NALF1: variants seen among roughly 807,000 people sequenced by gnomAD.
The protein encoded by NALF1 is NALCN channel auxiliary factor 1.
NALF1 carries 3 observed loss-of-function variants against 48.4 expected under a neutral mutation model. The ratio of observed to expected loss-of-function variants is 0.06; its 90% CI spans 0.03 to 0.16. The LOEUF (loss-of-function observed/expected upper bound fraction) is 0.16, where lower values mean the gene tolerates loss of function less well. Ranked by LOEUF, NALF1 falls within the 10% of genes least tolerant of loss-of-function variation. NALF1 has a pLI of 1.00. For missense variants in NALF1, 526 were observed against 571.5 expected (o/e 0.92, Z 0.81); for synonymous variants, 262 against 245.7 (o/e 1.07, Z -0.62).
chr13:107,768,118 G>C (rs1877468597), intron 1 of NALF1, among the ~76,000 whole-genome samples: 1 of 152,064 alleles, frequency 6.6e-6, no homozygotes, highest in Non-Finnish European at 1.5e-5. Flanking sequence ...CTGAGGCTCA[G>C]CTTCCTTAAT....
intron 1 of NALF1, among the ~76,000 whole-genome samples, chr13:107,317,950 A>C (rs556776385): frequency 6.6e-6 from 1 of 151,988 alleles, no homozygotes; most frequent in African/African-American, 2.4e-5. Flanking sequence ...TTGGAATAAA[A>C]ATGCTTAGAA....
At chr13:107,584,791 G>C (rs1878406808) in intron 1 of NALF1, among the ~76,000 whole-genome samples, 1 of 152,134 alleles carries the variant, frequency 6.6e-6, no homozygotes, top group South Asian at 2.1e-4. Context: ...AAGCCCACAG[G>C]CTGGGTGGCC....
chr13:107,302,276 G>C (rs980812876), intron 1 of NALF1, among the ~76,000 whole-genome samples: 10 of 152,058 alleles, frequency 6.6e-5, no homozygotes, highest in Non-Finnish European at 1.5e-4. Context: ...CTCCATAACT[G>C]TAAGAAATCA....
chr13:107,368,047 TG>T (rs1883182610), intron 1 of NALF1, among the ~76,000 whole-genome samples: 2 of 152,326 alleles, frequency 1.3e-5, no homozygotes, highest in South Asian at 4.1e-4. Flanking sequence ...ATAAAATATG[TG>T]GTTCTGTGTA....
At chr13:107,518,722 G>C (rs530177996) in intron 1 of NALF1, among the ~76,000 whole-genome samples, 10 of 152,232 alleles carry the variant, frequency 6.6e-5, no homozygotes, top group Non-Finnish European at 1.5e-4. Context: ...AAAAAAAGCA[G>C]ACCTAGCCAG....
intron 1 of NALF1, among the ~76,000 whole-genome samples, chr13:107,728,886 A>T (rs904700487): frequency 3.3e-5 from 5 of 152,202 alleles, no homozygotes; most frequent in African/African-American, 9.6e-5. Context: ...TAGGTCAAAA[A>T]GACATCTGCT....
chr13:107,790,438 A>G (rs1036134389), intron 1 of NALF1, among the ~76,000 whole-genome samples: 1 of 152,188 alleles, frequency 6.6e-6, no homozygotes, highest in African/African-American at 2.4e-5. Flanking sequence ...AGAATAAACT[A>G]TACATTGTCT....
At chr13:107,797,186 C>T (rs980582294) in intron 1 of NALF1, among the ~76,000 whole-genome samples, 2 of 152,030 alleles carry the variant, frequency 1.3e-5, no homozygotes, top group African/African-American at 2.4e-5. Flanking sequence ...TTCTATTCCT[C>T]ATCACCTCCC....
intron 1 of NALF1, among the ~76,000 whole-genome samples, chr13:107,419,455 G>T (rs1354504554): frequency 6.6e-6 from 1 of 152,140 alleles, no homozygotes; most frequent in Non-Finnish European, 1.5e-5. Context: ...GTACAGAAAA[G>T]GATGAAGTTG....
intron 1 of NALF1, among the ~76,000 whole-genome samples, chr13:107,796,379 G>A (rs548557463): frequency 3.9e-5 from 6 of 152,180 alleles, no homozygotes; most frequent in East Asian, 3.9e-4. Flanking sequence ...TAATACTTTT[G>A]TGTAATGTTT....
chr13:107,228,400 A>G (rs1282279432), intron 1 of NALF1, among the ~76,000 whole-genome samples: 3 of 152,174 alleles, frequency 2.0e-5, no homozygotes, highest in Admixed American at 6.5e-5. Flanking sequence ...AAAAACAAGC[A>G]AGAAAAGGTA....
chr13:107,718,008 C>A (rs1168819729), intron 1 of NALF1, among the ~76,000 whole-genome samples: 1 of 152,176 alleles, frequency 6.6e-6, no homozygotes, highest in African/African-American at 2.4e-5. Context: ...GTTGTTCCAG[C>A]TGATAAAACT....
chr13:107,522,888 G>C (rs924867769), intron 1 of NALF1, among the ~76,000 whole-genome samples: 1 of 152,010 alleles, frequency 6.6e-6, no homozygotes, highest in African/African-American at 2.4e-5. Context: ...CAAGTTCTGG[G>C]ATTACAGGTG....
At chr13:107,327,946 G>A (rs1882395878) in intron 1 of NALF1, among the ~76,000 whole-genome samples, 1 of 151,472 alleles carries the variant, frequency 6.6e-6, no homozygotes, top group Non-Finnish European at 1.5e-5. Context: ...TTTAAGACAG[G>A]ATATCACTGT....
At chr13:107,779,642 G>C (rs1473609502) in intron 1 of NALF1, among the ~76,000 whole-genome samples, 2 of 152,170 alleles carry the variant, frequency 1.3e-5, no homozygotes, top group Non-Finnish European at 2.9e-5. Flanking sequence ...CACTCGTTCT[G>C]TAGTCTGCCT....
At chr13:107,582,813 A>G (rs1388330140) in intron 1 of NALF1, among the ~76,000 whole-genome samples, 2 of 152,204 alleles carry the variant, frequency 1.3e-5, no homozygotes, top group African/African-American at 2.4e-5. Context: ...AAAATCCTGT[A>G]TAATTCAGTT....
chr13:107,626,334 C>G (rs1406901832), intron 1 of NALF1, among the ~76,000 whole-genome samples: 2 of 151,976 alleles, frequency 1.3e-5, no homozygotes, highest in Non-Finnish European at 1.5e-5. Flanking sequence ...ATTAGTACAG[C>G]CACTATACAG....
intron 2 of NALF1, among the ~76,000 whole-genome samples, chr13:107,199,118 T>C (rs1290772232): frequency 2.0e-5 from 3 of 151,288 alleles, no homozygotes; most frequent in Non-Finnish European, 4.4e-5. Context: ...GATGTCATTA[T>C]TGGGGTGCCA....
At chr13:107,847,035 T>G (rs1461356451) in intron 1 of NALF1, among the ~76,000 whole-genome samples, 1 of 152,148 alleles carries the variant, frequency 6.6e-6, no homozygotes, top group Non-Finnish European at 1.5e-5. Context: ...ACAGCAAATT[T>G]CTTAAATTAA....
Sources: allele counts gnomAD v4.1 joint callset (sites outside exome capture counted in the v4.1 genomes callset), GRCh38; gene constraint gnomAD v4.1.1; transcripts MANE v1.5; gene names NCBI Gene and HGNC (gene_info 2026-07-23, HGNC 2026-07-21).